Variants in EHMT1 observed in about 807,000 individuals in gnomAD.
The protein encoded by EHMT1 is euchromatic histone lysine methyltransferase 1.
A neutral mutation model predicts 147.2 loss-of-function variants in EHMT1; 15 were observed. That is an observed-to-expected ratio of 0.10 (90% CI 0.07 to 0.16). The LOEUF is 0.16. Ranked by LOEUF, EHMT1 falls within the 10% of genes least tolerant of loss-of-function variation. The pLI, the probability that EHMT1 is intolerant of heterozygous loss-of-function variation, is 1.00. For synonymous variants in EHMT1, 795 were observed against 709.6 expected, an observed-to-expected ratio of 1.12 and a Z score of -1.91; for missense variants, 1,587 against 1,772.4, an observed-to-expected ratio of 0.90 and a Z score of 1.88.
At chr9:137,784,364 C>T in intron 15 of EHMT1, 2 of 1,270,560 alleles carry the variant, frequency 1.6e-6, no homozygotes. Context: ...GGGCCCCCAG[C>T]CCCGGTAAAT....
At chr9:137,751,006 G>A (rs906806922) in intron 6 of EHMT1, among the ~76,000 whole-genome samples, 1 of 152,194 alleles carries the variant, frequency 6.6e-6, no homozygotes, top group Admixed American at 6.5e-5. Context: ...GTCTGACAGT[G>A]GTGCTTGCTG....
chr9:137,775,791 C>T lies in EHMT1; in HGVS notation c.1791+539C>T, dbSNP rs1460307319. Among the ~76,000 whole-genome samples, 1 of 151,906 alleles carries T rather than the reference C, an allele frequency of 6.6e-6. No individual in the cohort carries two copies. The highest frequency in any genetic ancestry group is 1.5e-5 in the Non-Finnish European group (1 of 67,956). ...CTTGGGTCATCAGTTACTTCAATGT[C>T]AAACATCTGTGCTCAGCCGTGCCCA... On this transcript the variant is annotated intron_variant, in intron 11 of 26. Coordinates refer to ENST00000460843, the MANE Select transcript of EHMT1 (RefSeq NM_024757.5). The surrounding 1 kb of genome is among the most constrained non-coding windows in gnomAD (Gnocchi z 6.1).
chr9:137,630,469 A>T (rs1264165879), intron 1 of EHMT1, among the ~76,000 whole-genome samples: 1 of 152,172 alleles, frequency 6.6e-6, no homozygotes, highest in Non-Finnish European at 1.5e-5. Context: ...GTCTTAAAGG[A>T]TGTGAGACAT....
chr9:137,632,365 C>G (rs1228948334), intron 1 of EHMT1, among the ~76,000 whole-genome samples: 4 of 152,180 alleles, frequency 2.6e-5, no homozygotes, highest in African/African-American at 9.7e-5. Flanking sequence ...AGTAAGTCAA[C>G]CTTTCAGCCC....
intron 7 of EHMT1, among the ~76,000 whole-genome samples, chr9:137,753,643 G>C (rs1036964633): frequency 6.6e-6 from 1 of 152,220 alleles, no homozygotes; most frequent in Non-Finnish European, 1.5e-5. Flanking sequence ...GGCGCCTGCT[G>C]TGCATCCGTG....
intron 1 of EHMT1, among the ~76,000 whole-genome samples, chr9:137,621,637 A>G (rs1284806151): frequency 3.3e-5 from 5 of 152,102 alleles, no homozygotes; most frequent in African/African-American, 7.2e-5. Flanking sequence ...AAAAAAAACT[A>G]CTGAGGTAGT....
intron 3 of EHMT1, among the ~76,000 whole-genome samples, chr9:137,722,546 T>C (rs1946164007): frequency 6.6e-6 from 1 of 152,138 alleles, no homozygotes; most frequent in Non-Finnish European, 1.5e-5. Context: ...AGGGCAGGGC[T>C]GTGTGTGTGG....
intron 16 of EHMT1, among the ~76,000 whole-genome samples, chr9:137,792,686 CAA>C (rs1374564067): frequency 1.3e-5 from 2 of 152,170 alleles, no homozygotes; most frequent in South Asian, 2.1e-4. Flanking sequence ...ACCTGGGTGA[CAA>C]GAGCGAAACT....
At chr9:137,641,252 G>C in intron 1 of EHMT1, 2 of 430,352 alleles carry the variant, frequency 4.6e-6, no homozygotes, top group Non-Finnish European at 9.3e-6. Context: ...CATTTGACTT[G>C]AAGAGTTTCC....
chr9:137,816,263 A>G (rs1954911760), intron 23 of EHMT1: 1 of 634,798 alleles, frequency 1.6e-6, no homozygotes, highest in Non-Finnish European at 2.9e-6. Flanking sequence ...TGCTTCCCCC[A>G]GCACAGACTT....
intron 1 of EHMT1, among the ~76,000 whole-genome samples, chr9:137,694,646 A>T (rs1943246654): frequency 6.6e-6 from 1 of 152,194 alleles, no homozygotes; most frequent in Non-Finnish European, 1.5e-5. Context: ...TAGAGGCTGT[A>T]AGTCTCCACA....
At position 137,777,146 on chromosome 9, in the gene EHMT1, C is replaced by T. The variant is rs113986767; in HGVS notation, c.2018+302C>T. ...TGGCACAGTCCTGTTGGTACACAAGCGATAGACGAGTGGTGGCTGCTGCAG... is the reference window on the plus strand; with the variant it reads ...TGGCACAGTCCTGTTGGTACACAAGTGATAGACGAGTGGTGGCTGCTGCAG... On this transcript the variant is annotated intron_variant, in intron 12 of 26. Transcript: ENST00000460843. The T allele has an allele frequency of 9.2e-3, 3,542 of 386,266 alleles. 127 individuals carry two copies. Among genetic ancestry groups the T allele is most frequent in the African/African-American group, 0.067 (3,273 of 48,626 alleles). The allele number at this position is 386,266 out of a possible 1,614,324, so 23.9% of individuals were successfully genotyped here. A position where few individuals can be genotyped will look rare whatever the true frequency, so the allele number is the denominator to read the frequency against.
chr9:137,719,733 A>T (rs965676413), intron 3 of EHMT1, among the ~76,000 whole-genome samples: 2 of 152,024 alleles, frequency 1.3e-5, no homozygotes, highest in Non-Finnish European at 2.9e-5. Flanking sequence ...TTTCACCATC[A>T]CCTGTGTGCA....
chr9:137,713,263 A>ATTT (rs59459382), intron 2 of EHMT1, among the ~76,000 whole-genome samples: 1,189 of 102,144 alleles, frequency 0.012, 28 homozygotes, highest in African/African-American at 0.03. Flanking sequence ...CACCATGCTA[A>ATTT]TTTTTTTTTT....
intron 1 of EHMT1, among the ~76,000 whole-genome samples, chr9:137,619,872 T>A (rs567293963): frequency 1.6e-4 from 25 of 151,866 alleles, no homozygotes; most frequent in Non-Finnish European, 3.4e-4. Flanking sequence ...AGGTGGTGTG[T>A]CCGTGGAGAT....
chr9:137,752,448 G>A lies in EHMT1; in HGVS notation c.1248+40G>A, dbSNP rs745856672. 2.5e-6 allele frequency: 4 copies of A among 1,602,622 alleles called. No homozygotes were observed. The South Asian group carries it at 4.5e-5, about 18-fold the overall frequency. On this transcript the variant is annotated intron_variant, in intron 7 of 26. Transcript: ENST00000460843. The stretch of plus-strand genomic sequence containing the variant: ...CTCCTCCTGCGTCTGTGCTGATGTA[G>A]AGGAGATGCAAAGACACCAGCGTCC...
intron 4 of EHMT1, 131 bp downstream of exon 4, chr9:137,728,660 C>A: frequency 8.0e-7 from 1 of 1,253,718 alleles, no homozygotes; most frequent in Non-Finnish European, 1.1e-6. Context: ...CGTCAGCTGG[C>A]CCTCCTGTGC....
At chr9:137,686,879 C>T (rs569001829) in intron 1 of EHMT1, among the ~76,000 whole-genome samples, 13 of 152,004 alleles carry the variant, frequency 8.6e-5, no homozygotes, top group Middle Eastern at 3.4e-3. Flanking sequence ...TACGGGCGCC[C>T]GCCACCGCGC....
chr9:137,786,424 GTTTCTCA>G lies in EHMT1; in HGVS notation c.2382+4028_2382+4034del, dbSNP rs1951970571. 1 of 152,300 alleles carries G rather than the reference GTTTCTCA, an allele frequency of 6.6e-6. No individual in the cohort carries two copies. The highest frequency in any genetic ancestry group is 1.9e-4 in the East Asian group (1 of 5,194). The allele number at this position is 152,300 out of a possible 1,614,324, so 9.4% of individuals were successfully genotyped here. ...AGTTTGCCCTGAATCCAAGGGTGCT[GTTTCTCA>G]GGGTTTCAGCATCTGCAGGGGTGTC... On this transcript the variant is annotated intron_variant, in intron 15 of 26. Transcript: ENST00000460843. The surrounding 1 kb of genome is among the most constrained non-coding windows in gnomAD (Gnocchi z 4.3).
Sources: gnomAD v4.1 joint callset for allele counts (sites outside exome capture counted in the v4.1 genomes callset) on GRCh38, gnomAD v4.1.1 for gene constraint, Gnocchi (gnomAD v3.1) non-coding constraint, MANE v1.5 for transcripts, NCBI Gene and HGNC (gene_info 2026-07-23, HGNC 2026-07-21) for gene names.